AFF1: variants seen among roughly 807,000 people sequenced by gnomAD.
AFF1 encodes the protein ALF transcription elongation factor 1.
AFF1 carries 48 observed loss-of-function variants against 121.7 expected under a neutral mutation model. The observed-to-expected ratio is 0.39, with a 90% CI of 0.31 to 0.50. The LOEUF is 0.50. AFF1 is among the 20% of genes least tolerant of loss of function. AFF1 has a pLI of 0.76. For synonymous variants in AFF1, 613 were observed against 563.0 expected (o/e 1.09, Z -1.26); for missense variants, 1,523 against 1,511.7 (o/e 1.01, Z -0.12).
chr4:87,073,333 C>T (rs1334645596), intron 4 of AFF1, among the ~76,000 whole-genome samples: 1 of 130,974 alleles, frequency 7.6e-6, no homozygotes, highest in East Asian at 2.3e-4. Context: ...GGAGGATTTA[C>T]TTGTTCAGAA....
chr4:87,016,239 G>T (rs1379165248), intron 2 of AFF1, among the ~76,000 whole-genome samples: 2 of 152,096 alleles, frequency 1.3e-5, no homozygotes, highest in Admixed American at 1.3e-4. Flanking sequence ...ATCGAGGTAC[G>T]TTCCTTGTCA....
At chr4:87,131,602 A>G (rs1728835400) in intron 17 of AFF1, among the ~76,000 whole-genome samples, 191 bp from the exon 18 acceptor site, 1 of 152,206 alleles carries the variant, frequency 6.6e-6, no homozygotes, top group Admixed American at 6.5e-5. Flanking sequence ...GCCACACAAG[A>G]GACGTGTACT....
At chr4:87,089,853 C>T (rs1012293397) in intron 5 of AFF1, 131 bp from the exon 6 acceptor site, 2 of 556,360 alleles carry the variant, frequency 3.6e-6, no homozygotes, top group Non-Finnish European at 6.0e-6. Context: ...TTTTTAAGTA[C>T]ATGAAATAAC....
At chr4:87,030,876 A>G (rs1435902391) in intron 2 of AFF1, among the ~76,000 whole-genome samples, 1 of 152,100 alleles carries the variant, frequency 6.6e-6, no homozygotes, top group Non-Finnish European at 1.5e-5. Context: ...ATGAGGAGCA[A>G]AAGGGGTCTG....
In AFF1 at chr4:87,046,726, T is replaced by C. The variant is rs1180886238; in HGVS notation, c.191T>C (p.Ile64Thr). The change falls in exon 4 of 21, where the codon ATA becomes ACA. Residue 64 changes from isoleucine (I) to threonine (T), a missense_variant. Physicochemically the swap from Ile to Thr is moderately conservative, Grantham distance 89. Around this residue, in one of 5 missense-constraint regions of AFF1, gnomAD observed 369 missense variants for 367.2 expected, o/e 1.00. Transcript: ENST00000395146. ...TAKGDELSSR[I>T]QNMLGNYEEV... Reference sequence around the variant, plus strand: ...AAAGGTGATGAGCTGTCTAGTCGAATACAGAACATGTTGGGAAACTACGAA... The same window carrying C: ...AAAGGTGATGAGCTGTCTAGTCGAACACAGAACATGTTGGGAAACTACGAA... 1.2e-6 allele frequency: 2 copies of C among 1,614,132 alleles called. No homozygotes were observed. Among genetic ancestry groups the C allele is most frequent in the Non-Finnish European group, 8.5e-7 (1 of 1,179,942 alleles).
intron 2 of AFF1, among the ~76,000 whole-genome samples, chr4:86,954,294 A>G (rs1311408863): frequency 1.3e-5 from 2 of 152,236 alleles, no homozygotes; most frequent in East Asian, 3.9e-4. Context: ...TTGGCTCCCT[A>G]AAAGCTTAAC....
Position 87,132,415 on chromosome 4 carries a change from C to CT in AFF1, c.3311+8dup, listed in dbSNP as rs1728916865. 5 of 1,600,064 alleles carry CT rather than the reference C, an allele frequency of 3.1e-6. No homozygotes were observed. The highest frequency in any genetic ancestry group is 1.1e-5 in the South Asian group (1 of 87,692). ...CTTCTCCATGCATTGCAAGGTAACT[C>CT]TAAGTCTAATATAAATAATTTCCAG... On this transcript the variant is annotated splice_region_variant and intron_variant, in intron 19 of 20. Transcript: ENST00000395146.
intron 8 of AFF1, among the ~76,000 whole-genome samples, chr4:87,099,876 G>A (rs545529181): frequency 1.2e-4 from 18 of 152,254 alleles, no homozygotes; most frequent in Non-Finnish European, 2.2e-4. Context: ...TCAGGGAAAA[G>A]AGGGGTCCAG....
intron 12 of AFF1, among the ~76,000 whole-genome samples, chr4:87,117,184 CT>C: frequency 6.6e-6 from 1 of 152,342 alleles, no homozygotes; most frequent in Admixed American, 6.5e-5. Context: ...GAAAGGGAAA[CT>C]TTCAGCTCTC....
intron 1 of AFF1, among the ~76,000 whole-genome samples, chr4:86,947,736 C>A (rs1434165025): frequency 6.6e-6 from 1 of 151,958 alleles, no homozygotes; most frequent in Non-Finnish European, 1.5e-5. Context: ...GACTATCTGC[C>A]CAGATTGGAT....
chr4:87,022,543 G>GATATATATAT (rs1156817444), intron 2 of AFF1, among the ~76,000 whole-genome samples: 28 of 80,168 alleles, frequency 3.5e-4, no homozygotes, highest in African/African-American at 1.1e-3. Context: ...CGTGCTTACA[G>GATATATATAT]ATATATATAT....
chr4:86,944,190 C>T (rs1720677656), intron 1 of AFF1, among the ~76,000 whole-genome samples: 1 of 150,614 alleles, frequency 6.6e-6, no homozygotes, highest in South Asian at 2.1e-4. Context: ...GGAATTGCCC[C>T]AGCACATGGT....
chr4:87,121,546 A>G (rs1269549360), intron 12 of AFF1, among the ~76,000 whole-genome samples: 1 of 152,214 alleles, frequency 6.6e-6, no homozygotes, highest in Non-Finnish European at 1.5e-5. Context: ...TGGCTGTTCC[A>G]GACAGAAGAT....
At chr4:87,011,931 C>T (rs1331831604) in intron 2 of AFF1, among the ~76,000 whole-genome samples, 3 of 152,232 alleles carry the variant, frequency 2.0e-5, no homozygotes, top group East Asian at 3.9e-4. Flanking sequence ...TATACCATAC[C>T]GTGAAAAGAT....
chr4:87,088,233 T>G (rs1723931279), intron 5 of AFF1, among the ~76,000 whole-genome samples: 1 of 152,234 alleles, frequency 6.6e-6, no homozygotes, highest in South Asian at 2.1e-4. Context: ...AAAGATCTCC[T>G]GTTGTGTCCT....
At chr4:86,946,918 A>G (rs1720908959) in intron 1 of AFF1, among the ~76,000 whole-genome samples, 1 of 152,120 alleles carries the variant, frequency 6.6e-6, no homozygotes, top group Non-Finnish European at 1.5e-5. Flanking sequence ...AATGTGGGGA[A>G]CTGCCATCAG....
At chr4:86,944,535 G>C (rs1325275299) in intron 1 of AFF1, among the ~76,000 whole-genome samples, 3 of 152,030 alleles carry the variant, frequency 2.0e-5, no homozygotes, top group Non-Finnish European at 4.4e-5. Flanking sequence ...TAGTAGAGAT[G>C]GGGTTTCACC....
At position 86,971,987 on chromosome 4, in the gene AFF1, G is replaced by A. The variant is rs185001857; in HGVS notation, c.38+23416G>A. Among the ~76,000 whole-genome samples the A allele has an allele frequency of 2.3e-3, 355 of 152,060 alleles. 2 individuals carry two copies. Among genetic ancestry groups the A allele is most frequent in the Admixed American group, 7.1e-3 (109 of 15,266 alleles). ...CTCCATCTCTACAAAAACTTCAAAA[G>A]ATTAGTCGGGAATAGTGGCACATGC... On this transcript the variant is annotated intron_variant, in intron 2 of 20. Transcript: ENST00000395146.
intron 2 of AFF1, among the ~76,000 whole-genome samples, chr4:86,966,799 CTT>C (rs1722569679): frequency 1.3e-5 from 2 of 152,100 alleles, no homozygotes; most frequent in Non-Finnish European, 2.9e-5. Flanking sequence ...GAGAGACTTC[CTT>C]ATATGGGGAA....
Sources: allele counts gnomAD v4.1 joint callset (sites outside exome capture counted in the v4.1 genomes callset), GRCh38; gene constraint gnomAD v4.1.1; regional missense constraint gnomAD v4.1.1; transcripts MANE v1.5; gene names NCBI Gene and HGNC (gene_info 2026-07-23, HGNC 2026-07-21).